The following HTT variants were observed in gnomAD, a reference collection of about 807,000 sequenced individuals.
HTT encodes the protein huntingtin.
A neutral mutation model predicts 362.3 loss-of-function variants in HTT; 104 were observed. The observed-to-expected ratio is 0.29, with a 90% CI of 0.24 to 0.34. HTT has a LOEUF of 0.34. Ranked by LOEUF, HTT falls within the 10% of genes least tolerant of loss-of-function variation. The pLI is 1.00. For synonymous variants in HTT, 1,577 were observed against 1,548.7 expected (o/e 1.02, Z -0.43); for missense variants, 3,301 against 3,928.6 (o/e 0.84, Z 4.27).
rs761840066 is a variant in HTT, at chr4:3,208,820, T to C, written c.6200T>C (p.Met2067Thr). 1.2e-6 allele frequency: 2 copies of C among 1,614,138 alleles called. No homozygotes were observed. Among genetic ancestry groups the C allele is most frequent in the South Asian group, 1.1e-5 (1 of 91,082 alleles). ...CTGGACAGGTTTCGTCTCTCCACCA[T>C]GCAAGACTCACTTAGTCCCTCTCCT... The part of the protein sequence containing the change: ...SLLDRFRLST[M>T]QDSLSPSPPV... The change falls in exon 46 of 67, where the codon ATG becomes ACG. Residue 2067 changes from methionine (M) to threonine (T), a missense_variant. This residue lies in a region of HTT where 2,316 missense variants were observed against 2,658.5 expected (regional missense o/e 0.87). Coordinates refer to ENST00000355072, the MANE Select transcript of HTT (RefSeq NM_001388492.1).
chr4:3,161,091 G>A (rs1164732937), intron 29 of HTT, among the ~76,000 whole-genome samples: 2 of 151,996 alleles, frequency 1.3e-5, no homozygotes, highest in Non-Finnish European at 2.9e-5. Flanking sequence ...CTCCCCATGG[G>A]CCCCGGTGTG....
intron 41 of HTT, among the ~76,000 whole-genome samples, chr4:3,202,107 T>A (rs1719607548): frequency 6.6e-6 from 1 of 152,232 alleles, no homozygotes; most frequent in South Asian, 2.1e-4. Flanking sequence ...TCACTCTCAA[T>A]CTGTCTTACC....
At chr4:3,234,749 T>C (rs1721438756) in intron 61 of HTT, among the ~76,000 whole-genome samples, 2 of 152,158 alleles carry the variant, frequency 1.3e-5, no homozygotes, top group African/African-American at 4.8e-5. Context: ...GATATACGCA[T>C]CACTGGGCAC....
At chr4:3,162,336 T>C (rs748872023) in intron 29 of HTT, among the ~76,000 whole-genome samples, 2 of 152,228 alleles carry the variant, frequency 1.3e-5, no homozygotes, top group Non-Finnish European at 2.9e-5. Context: ...TGTTGTAGTA[T>C]AGTTTGAAGT....
chr4:3,196,367 T>C (rs1412004170), intron 40 of HTT, among the ~76,000 whole-genome samples: 1 of 152,138 alleles, frequency 6.6e-6, no homozygotes, highest in Admixed American at 6.5e-5. Context: ...TCCTGGCCCC[T>C]CTTATGTCTG....
In HTT at chr4:3,127,543, G is replaced by T. The variant is rs752424106; in HGVS notation, c.1682G>T (p.Ser561Ile). ...GTQASSPISD[S>I]SQTTTEGPDS... ...CAGGCCTCGTCGCCCATCAGCGACA[G>T]CTCCCAGACCACCACCGAAGGGCCT... is the stretch of plus-strand genomic sequence containing the variant. The change falls in exon 12 of 67, where the codon AGC becomes ATC. Residue 561 changes from serine (S) to isoleucine (I), a missense_variant. Ser to Ile is a moderately radical substitution (Grantham distance 142). This residue lies in a region of HTT where 2,316 missense variants were observed against 2,658.5 expected (regional missense o/e 0.87). Transcript: ENST00000355072. 1.2e-6 allele frequency: 2 copies of T among 1,614,168 alleles called. No individual in the cohort carries two copies. Among genetic ancestry groups the T allele is most frequent in the South Asian group, 2.2e-5 (2 of 91,086 alleles).
At chr4:3,185,095 A>G (rs573150476) in intron 37 of HTT, among the ~76,000 whole-genome samples, 63 of 152,248 alleles carry the variant, frequency 4.1e-4, no homozygotes, top group African/African-American at 1.5e-3. Context: ...AGGACAGGAG[A>G]GAGACTTGGG....
At chr4:3,231,506 ATGTCCG>A (rs1271749405) in intron 60 of HTT, among the ~76,000 whole-genome samples, 1 of 152,100 alleles carries the variant, frequency 6.6e-6, no homozygotes, top group African/African-American at 2.4e-5. Context: ...AGGTGAGCAC[ATGTCCG>A]TGACCTGGAG....
In HTT at chr4:3,130,067, T is replaced by C; in HGVS notation, c.1867+20T>C. On this transcript the variant is annotated intron_variant, in intron 13 of 66. Transcript: ENST00000355072. Reference sequence around the variant, plus strand: ...CCATGGGTATGTGGACTACAGGTGATGCGCTACAAAGTGGTTTGTATTCAG... The same window carrying C: ...CCATGGGTATGTGGACTACAGGTGACGCGCTACAAAGTGGTTTGTATTCAG... The C allele has an allele frequency of 6.3e-7, 1 of 1,577,282 alleles. No individual in the cohort carries two copies. The highest frequency in any genetic ancestry group is 8.6e-7 in the Non-Finnish European group (1 of 1,165,346).
In HTT at chr4:3,094,369, T is replaced by C. The variant is rs184927732; in HGVS notation, c.348-4905T>C. On this transcript the variant is annotated intron_variant, in intron 2 of 66. Coordinates refer to ENST00000355072, the MANE Select transcript of HTT (RefSeq NM_001388492.1). ...TCTCTCTTTCTTTTCCCACATTTCC[T>C]CCTTTTCTATTCGACAAAACTGCCA... 1.7e-3 allele frequency among the ~76,000 whole-genome samples: 253 copies of C among 152,306 alleles called. 2 individuals are homozygous for C. The highest frequency in any genetic ancestry group is 3.0e-3 in the Admixed American group (46 of 15,308).
chr4:3,138,205 T>G (rs1356171403), intron 21 of HTT, among the ~76,000 whole-genome samples: 1 of 150,866 alleles, frequency 6.6e-6, no homozygotes, highest in Non-Finnish European at 1.5e-5. Flanking sequence ...CTGCCTTCCT[T>G]CCTTCCTTCC....
At position 3,152,141 on chromosome 4, in the gene HTT, C is replaced by T. The variant is rs114441342; in HGVS notation, c.3499-2152C>T. Among the ~76,000 whole-genome samples, 1,302 of 151,848 alleles carry T rather than the reference C, an allele frequency of 8.6e-3. 20 individuals carry two copies. The highest frequency in any genetic ancestry group is 0.029 in the African/African-American group (1,211 of 41,384). On this transcript the variant is annotated intron_variant, in intron 26 of 66. Transcript: ENST00000355072. ...TGAGACAGAGTCTCAGCCTGTCGCCCAGGCTGGAGTGGGTTGGCGCGATCT... is the reference window on the plus strand; with the variant it reads ...TGAGACAGAGTCTCAGCCTGTCGCCTAGGCTGGAGTGGGTTGGCGCGATCT...
intron 6 of HTT, among the ~76,000 whole-genome samples, chr4:3,113,285 T>C (rs1249478556): frequency 6.6e-6 from 1 of 152,212 alleles, no homozygotes; most frequent in Non-Finnish European, 1.5e-5. Flanking sequence ...CTCATCATAA[T>C]AATGAGTAGC....
At chr4:3,174,406 C>T (rs776976946) in intron 31 of HTT, among the ~76,000 whole-genome samples, 23 of 152,356 alleles carry the variant, frequency 1.5e-4, no homozygotes, top group Middle Eastern at 3.4e-3. Context: ...AAATGACCTT[C>T]ACCTTTCTCT....
Position 3,225,755 on chromosome 4 carries a change from G to A in HTT, c.7848+12G>A, listed in dbSNP as rs1438078373. 5.0e-6 allele frequency: 8 copies of A among 1,606,424 alleles called. No individual in the cohort carries two copies. Among genetic ancestry groups the A allele is most frequent in the Non-Finnish European group, 6.8e-6 (8 of 1,175,426 alleles). ...ACAAACTCGGCCAGGTCAGTCTCGC[G>A]CCCCCGCCGCCTGGCCTCTGTCCGT... On this transcript the variant is annotated intron_variant, in intron 57 of 66. Transcript: ENST00000355072.
At chr4:3,117,329 TC>T (rs1441637907) in intron 8 of HTT, among the ~76,000 whole-genome samples, 1 of 152,108 alleles carries the variant, frequency 6.6e-6, no homozygotes, top group African/African-American at 2.4e-5. Context: ...GTTTATTTCA[TC>T]TTTACCTTGC....
At chr4:3,091,895 T>TA (rs1311743082) in intron 2 of HTT, among the ~76,000 whole-genome samples, 2 of 152,242 alleles carry the variant, frequency 1.3e-5, no homozygotes, top group African/African-American at 4.8e-5. Context: ...CTAGCAGTTT[T>TA]ACCTCTAGGG....
intron 40 of HTT, among the ~76,000 whole-genome samples, chr4:3,191,135 T>G (rs981220791): frequency 1.3e-5 from 2 of 151,636 alleles, no homozygotes; most frequent in East Asian, 3.9e-4. Flanking sequence ...CAGATAGTCA[T>G]AATGTAAATA....
chr4:3,129,272 AGAAATG>A (rs1300899362), intron 12 of HTT: 1 of 152,362 alleles, frequency 6.6e-6, no homozygotes. Flanking sequence ...CTAAATACCC[AGAAATG>A]GAGTTGCTTT....
Sources: gnomAD v4.1 joint callset for allele counts (sites outside exome capture counted in the v4.1 genomes callset) on GRCh38, gnomAD v4.1.1 for gene constraint, gnomAD v4.1.1 regional missense constraint, MANE v1.5 for transcripts, NCBI Gene and HGNC (gene_info 2026-07-23, HGNC 2026-07-21) for gene names.